Variants in NRG1 observed in about 807,000 individuals in gnomAD.
The protein encoded by NRG1 is neuregulin 1, also known as pro-neuregulin-1, membrane-bound isoform.
A neutral mutation model predicts 63.8 loss-of-function variants in NRG1; 18 were observed. That is an observed-to-expected ratio of 0.28 (90% CI 0.19 to 0.42). NRG1 has a LOEUF of 0.42. Ranked by LOEUF, NRG1 falls within the 10% of genes least tolerant of loss-of-function variation. The pLI, the probability that NRG1 is intolerant of heterozygous loss-of-function variation, is 1.00. For synonymous variants in NRG1, 302 were observed against 301.3 expected, an observed-to-expected ratio of 1.00 and a Z score of -0.02; for missense variants, 762 against 814.7, an observed-to-expected ratio of 0.94 and a Z score of 0.79.
At chr8:32,447,189 T>A (rs1820371661) in intron 1 of NRG1, among the ~76,000 whole-genome samples, 1 of 151,586 alleles carries the variant, frequency 6.6e-6, no homozygotes, top group South Asian at 2.1e-4. Context: ...CCGGCTAATT[T>A]TTTTTTTGTA....
At chr8:31,712,971 GTCCATCCATCCACCCATCCATCCATCCA>G (rs1267796891) in intron 1 of NRG1, among the ~76,000 whole-genome samples, 2 of 146,076 alleles carry the variant, frequency 1.4e-5, no homozygotes, top group Non-Finnish European at 3.0e-5. Context: ...TCATCTCTCT[GTCCATCCATCCACCCATCCATCCATCCA>G]TCCATCCATC....
intron 1 of NRG1, among the ~76,000 whole-genome samples, chr8:32,168,605 G>T (rs1265946130): frequency 6.6e-6 from 1 of 152,156 alleles, no homozygotes; most frequent in Non-Finnish European, 1.5e-5. Context: ...CAAAGAGAAT[G>T]AATTTTAACA....
intron 1 of NRG1, among the ~76,000 whole-genome samples, chr8:32,044,077 G>A (rs1352385913): frequency 6.6e-6 from 1 of 151,750 alleles, no homozygotes; most frequent in East Asian, 1.9e-4. Context: ...TTAAAATAAT[G>A]ACAAAGGTAT....
At chr8:32,210,317 G>A (rs1183874579) in intron 1 of NRG1, among the ~76,000 whole-genome samples, 1 of 152,084 alleles carries the variant, frequency 6.6e-6, no homozygotes, top group Non-Finnish European at 1.5e-5. Flanking sequence ...ATATTCCAGT[G>A]ATCAGCAGAG....
intron 1 of NRG1, among the ~76,000 whole-genome samples, chr8:31,775,735 T>C (rs1819055091): frequency 1.3e-5 from 2 of 151,612 alleles, no homozygotes; most frequent in South Asian, 2.1e-4. Context: ...TACAAAAAAT[T>C]AGCTGGGCAT....
intron 1 of NRG1, among the ~76,000 whole-genome samples, chr8:32,574,421 G>A (rs1839228437): frequency 6.6e-6 from 1 of 152,144 alleles, no homozygotes; most frequent in Non-Finnish European, 1.5e-5. Flanking sequence ...GGTATAGTTT[G>A]TATATTTTTC....
intron 1 of NRG1, among the ~76,000 whole-genome samples, chr8:32,214,403 G>T (rs766667679): frequency 9.9e-5 from 15 of 152,154 alleles, no homozygotes; most frequent in Non-Finnish European, 2.1e-4. Flanking sequence ...ACATCATGCT[G>T]CATAAAACCT....
At chr8:31,898,720 G>A (rs895714827) in intron 1 of NRG1, among the ~76,000 whole-genome samples, 12 of 151,976 alleles carry the variant, frequency 7.9e-5, no homozygotes, top group African/African-American at 2.4e-4. Context: ...AAATAAATAC[G>A]TAAATATAAA....
chr8:31,718,874 C>T (rs1350276933), intron 1 of NRG1, among the ~76,000 whole-genome samples: 2 of 152,132 alleles, frequency 1.3e-5, no homozygotes, highest in Non-Finnish European at 2.9e-5. Flanking sequence ...TTGTCCTAAA[C>T]TTACAATAGT....
At chr8:32,741,555 C>A (rs752030397) in intron 6 of NRG1, among the ~76,000 whole-genome samples, 4 of 151,954 alleles carry the variant, frequency 2.6e-5, no homozygotes, top group Non-Finnish European at 4.4e-5. Flanking sequence ...ACATAAAACA[C>A]CCATGAAATA....
At chr8:31,945,178 A>G (rs970143995) in intron 1 of NRG1, among the ~76,000 whole-genome samples, 2 of 152,114 alleles carry the variant, frequency 1.3e-5, no homozygotes, top group Non-Finnish European at 2.9e-5. Flanking sequence ...TCCCCATAAC[A>G]ATTTCTGATA....
intron 1 of NRG1, among the ~76,000 whole-genome samples, chr8:32,222,980 A>G (rs1176092080): frequency 6.6e-6 from 1 of 152,212 alleles, no homozygotes; most frequent in Non-Finnish European, 1.5e-5. Flanking sequence ...TCAAAGAGAG[A>G]CAATGGCATT....
At chr8:32,681,652 G>C (rs1360364014) in intron 5 of NRG1, among the ~76,000 whole-genome samples, 1 of 152,112 alleles carries the variant, frequency 6.6e-6, no homozygotes, top group Admixed American at 6.6e-5. Flanking sequence ...ACAGCTACTT[G>C]GGAAATATCT....
At chr8:31,923,363 G>A (rs1179641862) in intron 1 of NRG1, among the ~76,000 whole-genome samples, 1 of 152,050 alleles carries the variant, frequency 6.6e-6, no homozygotes, top group African/African-American at 2.4e-5. Context: ...ATATAAATGA[G>A]TGTATTTGTG....
At chr8:32,278,752 C>A (rs1852378699) in intron 1 of NRG1, among the ~76,000 whole-genome samples, 1 of 152,160 alleles carries the variant, frequency 6.6e-6, no homozygotes, top group Non-Finnish European at 1.5e-5. Flanking sequence ...AGACTCTGCC[C>A]AGGCAACAAT....
intron 5 of NRG1, among the ~76,000 whole-genome samples, chr8:32,652,361 G>A (rs1397809151): frequency 6.6e-6 from 1 of 152,078 alleles, no homozygotes; most frequent in African/African-American, 2.4e-5. Flanking sequence ...AAAACAGCAT[G>A]GGTTGCCTAG....
intron 1 of NRG1, among the ~76,000 whole-genome samples, chr8:31,844,735 T>C (rs565274459): frequency 5.3e-5 from 8 of 152,216 alleles, no homozygotes; most frequent in African/African-American, 1.9e-4. Context: ...TTAAGTGATG[T>C]CATATTTTTA....
chr8:32,553,393 C>T (rs73587109), intron 1 of NRG1, among the ~76,000 whole-genome samples: 1,576 of 152,046 alleles, frequency 0.01, 32 homozygotes, highest in African/African-American at 0.037. Context: ...AAAAAATATC[C>T]AAAGCTGACC....
chr8:32,238,536 TAA>T (rs1847806879), intron 1 of NRG1, among the ~76,000 whole-genome samples: 1 of 152,082 alleles, frequency 6.6e-6, no homozygotes, highest in Non-Finnish European at 1.5e-5. Context: ...GGTCAAGTAT[TAA>T]GACTACTGAG....
Sources: allele counts gnomAD v4.1 joint callset (sites outside exome capture counted in the v4.1 genomes callset), GRCh38; gene constraint gnomAD v4.1.1; transcripts MANE v1.5; gene names NCBI Gene and HGNC (gene_info 2026-07-23, HGNC 2026-07-21).